The following RBBP6 variants were observed in gnomAD, a reference collection of about 807,000 sequenced individuals.
RBBP6 encodes RB binding protein 6, ubiquitin ligase.
In RBBP6, 25 loss-of-function variants were observed where a neutral mutation model predicts 167.7. That is an observed-to-expected ratio of 0.15 (90% CI 0.11 to 0.21). The LOEUF is 0.21. RBBP6 is among the 10% of genes least tolerant of loss of function. The probability of loss-of-function intolerance (pLI) is 1.00; values close to 1 mark genes in which losing one functional copy is unlikely to be tolerated. For missense variants in RBBP6, 1,868 were observed against 2,134.2 expected, an observed-to-expected ratio of 0.88 and a Z score of 2.46; for synonymous variants, 789 against 735.8, an observed-to-expected ratio of 1.07 and a Z score of -1.17.
rs1899289476 is a variant in RBBP6, at chr16:24,570,076, A to C, written c.3386A>C (p.Lys1129Thr). 6.2e-7 allele frequency: 1 copy of C among 1,607,372 alleles called. No homozygotes were observed. Among genetic ancestry groups the C allele is most frequent in the South Asian group, 1.1e-5 (1 of 89,122 alleles). ...GAAAAGCTAACAACTAAGGAAGAAAAGGCCAAGAAGCCTAATGAGAAAAAC... is the reference window on the plus strand; with the variant it reads ...GAAAAGCTAACAACTAAGGAAGAAACGGCCAAGAAGCCTAATGAGAAAAAC... ...KSEKLTTKEE[K>T]AKKPNEKNKP... The change falls in exon 17 of 18, where the codon AAG becomes ACG. Residue 1129 changes from lysine (K) to threonine (T), a missense_variant. By Grantham distance (78) the Lys-to-Thr change is moderately conservative. This residue lies in a region of RBBP6 where 673 missense variants were observed against 691.5 expected (regional missense o/e 0.97). Coordinates refer to ENST00000319715, the MANE Select transcript of RBBP6 (RefSeq NM_006910.5).
intron 8 of RBBP6, among the ~76,000 whole-genome samples, chr16:24,560,890 TC>T (rs768329714): frequency 5.3e-5 from 8 of 152,294 alleles, no homozygotes; most frequent in Admixed American, 1.3e-4. Context: ...CTGGAACCCA[TC>T]CCCTTTGGAT....
chr16:24,568,032 A>G (rs1373378051), intron 16 of RBBP6, 139 bp downstream of exon 16: 3 of 687,556 alleles, frequency 4.4e-6, no homozygotes, highest in Non-Finnish European at 7.6e-6. Context: ...GATGTAGCTT[A>G]TTTCCCAATA....
chr16:24,540,893 C>T, intron 1 of RBBP6, 101 bp downstream of exon 1: 1 of 1,397,280 alleles, frequency 7.2e-7, no homozygotes, highest in East Asian at 2.3e-5. Flanking sequence ...CTAGTGGGGA[C>T]TGTTCGTTCT....
At chr16:24,556,558 TACC>T in intron 7 of RBBP6, 111 bp downstream of exon 7, 5 of 1,240,800 alleles carry the variant, frequency 4.0e-6, no homozygotes, top group Non-Finnish European at 5.4e-6. Context: ...GAACTTTGTA[TACC>T]AAAGCCATTA....
chr16:24,562,165 A>G lies in RBBP6; in HGVS notation c.1289+4A>G. 1 of 1,593,908 alleles carries G rather than the reference A, an allele frequency of 6.3e-7. No homozygotes were observed. Among genetic ancestry groups the G allele is most frequent in the Non-Finnish European group, 8.6e-7 (1 of 1,164,550 alleles). The stretch of plus-strand genomic sequence containing the variant: ...AAAAATCAGATGGACCTTTTCGGTA[A>G]GCCTGTGTGTTTTTCACTGTTAGAA... On this transcript the variant is annotated splice_donor_region_variant and intron_variant, in intron 10 of 17. Transcript: ENST00000319715.
intron 2 of RBBP6, among the ~76,000 whole-genome samples, chr16:24,548,516 T>C (rs1452738190): frequency 6.6e-6 from 1 of 152,158 alleles, no homozygotes; most frequent in African/African-American, 2.4e-5. Context: ...AGCACAGCAA[T>C]TTCTCAGGGA....
In RBBP6 at chr16:24,555,713, T is replaced by C. The variant is rs185484683; in HGVS notation, c.437+10T>C. On this transcript the variant is annotated intron_variant, in intron 5 of 17. Coordinates refer to ENST00000319715, the MANE Select transcript of RBBP6 (RefSeq NM_006910.5). ...AATACGACCCAATCAAGTAAGTTCA[T>C]AAATATTTTATACTAATAGGAACTT... 158 of 1,610,148 alleles carry C rather than the reference T, an allele frequency of 9.8e-5. No homozygotes were observed. In the African/African-American group the frequency reaches 1.9e-3, roughly 19 times the overall value.
intron 14 of RBBP6, among the ~76,000 whole-genome samples, chr16:24,565,264 T>C (rs996254364): frequency 2.6e-5 from 4 of 152,216 alleles, no homozygotes; most frequent in Admixed American, 2.6e-4. Flanking sequence ...ATTTCTCTTC[T>C]AGACCCCACT....
Position 24,570,012 on chromosome 16 carries a change from GA to G in RBBP6, c.3327del (p.Val1110Ter). The G allele has an allele frequency of 6.3e-7, 1 of 1,598,152 alleles. No homozygotes were observed. Among genetic ancestry groups the G allele is most frequent in the South Asian group, 1.1e-5 (1 of 87,212 alleles). On this transcript the variant is annotated frameshift_variant, in exon 17 of 18. Coordinates refer to ENST00000319715, the MANE Select transcript of RBBP6 (RefSeq NM_006910.5). LOFTEE classifies it high-confidence loss of function. ...CCAAGAAACAAAACCAGTCAAAGAG[GA>G]AAAAGTGAAGAAGGACTATTCCAAA... ...EHQETKPVKE[E>X]KVKKDYSKDV... is the part of the protein sequence containing the mutation.
chr16:24,546,401 A>G, intron 2 of RBBP6, 139 bp downstream of exon 2: 2 of 1,090,118 alleles, frequency 1.8e-6, no homozygotes, highest in Non-Finnish European at 2.4e-6. Flanking sequence ...TGAGGATAGT[A>G]GGTTTCTTTG....
intron 3 of RBBP6, among the ~76,000 whole-genome samples, chr16:24,550,110 A>G (rs1381665258): frequency 6.6e-6 from 1 of 151,974 alleles, no homozygotes; most frequent in East Asian, 1.9e-4. Flanking sequence ...CTTCATTTAG[A>G]ATTCAAGGGT....
chr16:24,572,077 G>C lies in RBBP6; in HGVS notation c.5011G>C (p.Glu1671Gln), dbSNP rs1386279368. Residue 1671 changes from glutamate (E) to glutamine (Q), a missense_variant, in exon 18 of 18, where the codon GAG becomes CAG. By Grantham distance (29) the Glu-to-Gln change is conservative. Coordinates refer to ENST00000319715, the MANE Select transcript of RBBP6 (RefSeq NM_006910.5). Reference sequence around the variant, plus strand: ...TAAGGACCTGAAAGATAAAATAGTGGAGAAAGCAAAAGAGAGCCTGGACAC... The same window carrying C: ...TAAGGACCTGAAAGATAAAATAGTGCAGAAAGCAAAAGAGAGCCTGGACAC... ...ISKDLKDKIV[E>Q]KAKESLDTAA... The C allele has an allele frequency of 1.9e-6, 3 of 1,614,034 alleles. No homozygotes were observed. Among genetic ancestry groups the C allele is most frequent in the South Asian group, 2.2e-5 (2 of 91,088 alleles).
In RBBP6 at chr16:24,540,016, C is replaced by G. The variant is rs1419455446; in HGVS notation, c.-611C>G. On this transcript the variant is annotated 5_prime_UTR_variant, in exon 1 of 18. Coordinates refer to ENST00000319715, the MANE Select transcript of RBBP6 (RefSeq NM_006910.5). ...TTTCGGCCTAGGCCGTGGGGCCGCTCGTGGCCTCCGGGGAGCAGGCGCCAG... is the reference window on the plus strand; with the variant it reads ...TTTCGGCCTAGGCCGTGGGGCCGCTGGTGGCCTCCGGGGAGCAGGCGCCAG... The G allele has an allele frequency of 1.3e-5, 2 of 152,522 alleles. No individual in the cohort carries two copies. Among genetic ancestry groups the G allele is most frequent in the African/African-American group, 4.8e-5 (2 of 41,464 alleles). 9.4% of individuals were successfully genotyped at this position (152,522 alleles called of 1,614,324 possible).
At chr16:24,567,984 G>A (rs1899234077) in intron 16 of RBBP6, 91 bp downstream of exon 16, 3 of 1,089,398 alleles carry the variant, frequency 2.8e-6, no homozygotes, top group Admixed American at 4.8e-5. Context: ...ATTGCACTTA[G>A]GAATTTTTCT....
At position 24,569,868 on chromosome 16, in the gene RBBP6, A is replaced by C; in HGVS notation, c.3178A>C (p.Lys1060Gln). 6.2e-7 allele frequency: 1 copy of C among 1,610,500 alleles called. No homozygotes were observed. Among genetic ancestry groups the C allele is most frequent in the Non-Finnish European group, 8.5e-7 (1 of 1,179,236 alleles). The change falls in exon 17 of 18, where the codon AAA becomes CAA. Residue 1060 changes from lysine (K) to glutamine (Q), a missense_variant. Transcript: ENST00000319715. Reference sequence around the variant, plus strand: ...ATCTCCTCGATCTGAACCTCCAATTAAAAAAGCCAAAGAGGAGACTCCGAA... The same window carrying C: ...ATCTCCTCGATCTGAACCTCCAATTCAAAAAGCCAAAGAGGAGACTCCGAA... ...ERSPRSEPPI[K>Q]KAKEETPKTD...
rs1448423594 is a variant in RBBP6, at chr16:24,540,307, CG to C, written c.-319del. On this transcript the variant is annotated 5_prime_UTR_variant, in exon 1 of 18. Transcript: ENST00000319715. ...CTACTGACTGCACCGCCAATCCCCC[CG>C]TCTCTGCCGGCCCCTTAGCATGAGC... 4.0e-6 allele frequency: 1 copy of C among 249,114 alleles called. No homozygotes were observed. The highest frequency in any genetic ancestry group is 7.9e-6 in the Non-Finnish European group (1 of 126,430). The allele number at this position is 249,114 out of a possible 1,614,324, so 15.4% of individuals were successfully genotyped here.
At chr16:24,570,808 A>G in intron 17 of RBBP6, 68 bp from the exon 18 acceptor site, 1 of 1,210,440 alleles carries the variant, frequency 8.3e-7, no homozygotes, top group African/African-American at 1.5e-5. Context: ...GCATTTTTAT[A>G]TTTATCAGTG....
At chr16:24,563,694 T>A in intron 13 of RBBP6, 30 bp downstream of exon 13, 1 of 1,598,548 alleles carries the variant, frequency 6.3e-7, no homozygotes, top group Admixed American at 1.7e-5. Flanking sequence ...AATCTTCAGA[T>A]GATTGCCTGC....
intron 2 of RBBP6, 77 bp from the exon 3 acceptor site, chr16:24,548,868 G>C (rs1194929664): frequency 4.2e-6 from 5 of 1,194,310 alleles, no homozygotes; most frequent in Non-Finnish European, 6.0e-6. Flanking sequence ...TATTATTGAA[G>C]ATAATGTGTT....
Sources: allele counts gnomAD v4.1 joint callset (sites outside exome capture counted in the v4.1 genomes callset), GRCh38; gene constraint gnomAD v4.1.1; regional missense constraint gnomAD v4.1.1; transcripts MANE v1.5; gene names NCBI Gene and HGNC (gene_info 2026-07-23, HGNC 2026-07-21).